Variants in NBPF8 observed in about 807,000 individuals in gnomAD.
The protein encoded by NBPF8 is NBPF family member NBPF8.
At chr1:120,449,956 T>C (rs587730367) in intron 11 of NBPF8, among the ~76,000 whole-genome samples, 45 of 152,184 alleles carry the variant, frequency 3.0e-4, no homozygotes, top group African/African-American at 2.4e-5. Flanking sequence ...GGGCCGTGCA[T>C]GGTGGCTCAC....
downstream of NBPF8, among the ~76,000 whole-genome samples, chr1:120,467,961 TGC>T (rs1198010054): frequency 1.9e-3 from 284 of 150,710 alleles, 2 homozygotes; most frequent in Middle Eastern, 0.021. Context: ...AGTGTGTGTG[TGC>T]GTGTGTGTGT....
At chr1:120,431,401 TAC>T (rs1201939573), upstream of NBPF8, among the ~76,000 whole-genome samples, 114 of 57,822 alleles carry the variant, frequency 2.0e-3, 2 homozygotes, top group East Asian at 1.5e-3. Context: ...TATATATATA[TAC>T]AGACACACAC....
At chr1:120,433,244 T>C (rs1660935195), upstream of NBPF8, 1 of 152,178 alleles carries the variant, frequency 6.6e-6, no homozygotes, top group African/African-American at 2.4e-5. Context: ...CAAGTCGGTA[T>C]TGAAGAAGCA....
upstream of NBPF8, among the ~76,000 whole-genome samples, chr1:120,416,876 G>A (rs1351965642): frequency 6.7e-6 from 1 of 148,162 alleles, no homozygotes; most frequent in African/African-American, 2.5e-5. Flanking sequence ...TAGTAGGGGT[G>A]CAGTAATGTA....
At chr1:120,467,963 CGTGT>C (rs1211881397), downstream of NBPF8, among the ~76,000 whole-genome samples, 16 of 151,042 alleles carry the variant, frequency 1.1e-4, no homozygotes, top group Admixed American at 3.3e-4. Context: ...TGTGTGTGTG[CGTGT>C]GTGTGTCTGT....
At chr1:120,469,288 G>GA (rs1661845440), downstream of NBPF8, among the ~76,000 whole-genome samples, 1 of 142,804 alleles carries the variant, frequency 7.0e-6, no homozygotes, top group African/African-American at 2.6e-5. Flanking sequence ...GGATACCCAG[G>GA]AAAGCATTTG....
intron 23 of NBPF8, among the ~76,000 whole-genome samples, chr1:120,464,806 C>A (rs1661699415): frequency 6.8e-6 from 1 of 146,086 alleles, no homozygotes; most frequent in Non-Finnish European, 1.5e-5. Context: ...TGGACCTGGG[C>A]AGATGTGACA....
chr1:120,450,112 C>A (rs1246707517), intron 11 of NBPF8, among the ~76,000 whole-genome samples: 1 of 151,836 alleles, frequency 6.6e-6, no homozygotes. Flanking sequence ...CTGTAATCAC[C>A]CCTGCTCAGG....
intron 11 of NBPF8, among the ~76,000 whole-genome samples, chr1:120,449,753 T>C (rs1358130761): frequency 6.6e-6 from 1 of 152,220 alleles, no homozygotes. Flanking sequence ...TCTGTTGTTC[T>C]AAATGTCTGA....
chr1:120,461,487 C>T (rs1298506504), intron 19 of NBPF8, 61 bp downstream of exon 17: 2 of 458,188 alleles, frequency 4.4e-6, no homozygotes, highest in Non-Finnish European at 7.6e-6. Flanking sequence ...GGGTCATATT[C>T]CTACTGCAAG....
At chr1:120,459,833 G>A (rs1448548163) in intron 17 of NBPF8, among the ~76,000 whole-genome samples, 31,113 of 151,876 alleles carry the variant, frequency 0.2, 4,004 homozygotes, top group East Asian at 0.68. Context: ...ACATGCCCAG[G>A]AGTTGTCTGT....
chr1:120,460,641 G>C lies in NBPF8; in HGVS notation n.2836+17G>C. 8.6e-7 allele frequency: 1 copy of C among 1,160,310 alleles called. No individual in the cohort carries two copies. The highest frequency in any genetic ancestry group is 2.3e-5 in the East Asian group (1 of 42,634). The allele number at this position is 1,160,310 out of a possible 1,614,324, so 71.9% of individuals were successfully genotyped here. A position where few individuals can be genotyped will look rare whatever the true frequency, so the allele number is the denominator to read the frequency against. On this transcript the variant is annotated intron_variant and non_coding_transcript_variant, in intron 18 of 24. Coordinates refer to ENST00000583271, the Ensembl canonical transcript of NBPF8. Reference sequence around the variant, plus strand: ...AGGTCCCAGGTGAGTCTGAGAAATTGTGGACAGTTAATTTGATGTTGACAC... The same window carrying C: ...AGGTCCCAGGTGAGTCTGAGAAATTCTGGACAGTTAATTTGATGTTGACAC...
chr1:120,464,150 TG>T, intron 22 of NBPF8, among the ~76,000 whole-genome samples: 1 of 102,964 alleles, frequency 9.7e-6, no homozygotes, highest in African/African-American at 5.3e-5. Context: ...TGTGTGTGTG[TG>T]TGTGTGTGTG....
exon 1 of NBPF8, chr1:120,436,620 A>T: frequency 6.3e-7 from 1 of 1,594,744 alleles, no homozygotes; most frequent in East Asian, 2.2e-5. Flanking sequence ...GAGAACAAAC[A>T]GCAGTTCGTA....
upstream of NBPF8, among the ~76,000 whole-genome samples, chr1:120,415,391 G>C (rs1263233590): frequency 1.3e-5 from 2 of 152,086 alleles, no homozygotes; most frequent in East Asian, 1.9e-4. Flanking sequence ...GAGGCGGGGT[G>C]GGGGGTTGGG....
At chr1:120,453,240 G>C in intron 13 of NBPF8, 132 bp from the exon 12 acceptor site, 1 of 527,522 alleles carries the variant, frequency 1.9e-6, no homozygotes, top group Non-Finnish European at 3.4e-6. Flanking sequence ...TTCTGTTAAA[G>C]ATAAAACATG....
At chr1:120,435,870 AAAT>A (rs2101613137), upstream of NBPF8, among the ~76,000 whole-genome samples, 1 of 150,748 alleles carries the variant, frequency 6.6e-6, no homozygotes, top group East Asian at 1.9e-4. Context: ...TGTCTCAAAA[AAAT>A]AAAAAAGTCA....
chr1:120,466,333 G>C, exon 25 of NBPF8: 2 of 1,460,194 alleles, frequency 1.4e-6, no homozygotes, highest in Non-Finnish European at 1.9e-6. Flanking sequence ...GGATGGGTCA[G>C]TGGGCATGGC....
chr1:120,432,087 A>G (rs2101576490), upstream of NBPF8: 1 of 139,692 alleles, frequency 7.2e-6, no homozygotes, highest in Non-Finnish European at 1.5e-5. Flanking sequence ...TTCCTCTGGA[A>G]CCTCAGTTAA....
Sources: gnomAD v4.1 joint callset for allele counts (sites outside exome capture counted in the v4.1 genomes callset) on GRCh38, gnomAD v4.1.1 for gene constraint, MANE v1.5 for transcripts, NCBI Gene and HGNC (gene_info 2026-07-23, HGNC 2026-07-21) for gene names.